ZNF131: variants seen among roughly 807,000 people sequenced by gnomAD.
ZNF131 encodes the protein zinc finger and BTB domain containing 35, also known as zinc finger protein 131.
In ZNF131, 7 loss-of-function variants were observed where a neutral mutation model predicts 60.0. The ratio of observed to expected loss-of-function variants is 0.12; its 90% CI spans 0.07 to 0.22. The LOEUF is 0.22. Among genes scored for constraint, ZNF131 ranks in the 10% least tolerant of loss-of-function variants. The pLI is 1.00. For missense variants in ZNF131, 493 were observed against 740.9 expected (o/e 0.67, Z 3.88); for synonymous variants, 257 against 253.2 (o/e 1.01, Z -0.14).
At chr5:43,169,823 C>G (rs530918449) in intron 5 of ZNF131, among the ~76,000 whole-genome samples, 2 of 151,032 alleles carry the variant, frequency 1.3e-5, no homozygotes, top group Admixed American at 6.6e-5. Flanking sequence ...CAGAGTCTGG[C>G]ACTATCACCC....
intron 3 of ZNF131, among the ~76,000 whole-genome samples, chr5:43,134,790 T>G (rs1296919934): frequency 2.2e-5 from 3 of 134,914 alleles, no homozygotes; most frequent in Non-Finnish European, 3.1e-5. Context: ...AACCTCCGCC[T>G]CCTGGGTTCA....
intron 4 of ZNF131, among the ~76,000 whole-genome samples, chr5:43,155,119 A>G (rs1251464991): frequency 6.6e-6 from 1 of 152,196 alleles, no homozygotes; most frequent in Admixed American, 6.5e-5. Context: ...CAGTTAATTA[A>G]GGGCTCCATT....
intron 5 of ZNF131, among the ~76,000 whole-genome samples, chr5:43,164,059 C>G (rs963862538): frequency 1.3e-5 from 2 of 152,158 alleles, no homozygotes; most frequent in East Asian, 3.8e-4. Context: ...GTTTGGATAA[C>G]TAATAGGCGT....
At chr5:43,150,536 TC>T (rs1748170875) in intron 4 of ZNF131, among the ~76,000 whole-genome samples, 2 of 152,130 alleles carry the variant, frequency 1.3e-5, no homozygotes, top group South Asian at 4.1e-4. Flanking sequence ...ATGCCTGTAA[TC>T]CCAGCACTTT....
intron 3 of ZNF131, among the ~76,000 whole-genome samples, chr5:43,128,656 C>CAAA (rs1170687481): frequency 4.6e-4 from 32 of 70,082 alleles, no homozygotes; most frequent in East Asian, 3.7e-3. Context: ...GACTCCATCT[C>CAAA]AAAAAAAAAA....
rs976608275 is a variant in ZNF131 at position 43,158,542 on chromosome 5, A to T, written c.372-2707A>T. Among the ~76,000 whole-genome samples the T allele has an allele frequency of 4.6e-5, 7 of 151,970 alleles. No individual in the cohort carries two copies. The South Asian group carries it at 1.3e-3, about 27-fold the overall frequency. On this transcript the variant is annotated intron_variant, in intron 4 of 6. Coordinates refer to ENST00000682664, the MANE Select transcript of ZNF131 (RefSeq NM_001330707.2). ...TGACCTCAGTTGATCCTCCCGCCTC[A>T]GCCTCCCAAAGTGTTGGGATTACAG...
intron 4 of ZNF131, among the ~76,000 whole-genome samples, chr5:43,142,724 C>T (rs1747019632): frequency 7.1e-6 from 1 of 140,880 alleles, no homozygotes; most frequent in Non-Finnish European, 1.5e-5. Context: ...CAGGGTCTTG[C>T]TTTGTCACCC....
chr5:43,140,434 A>G (rs1746666387), intron 4 of ZNF131, among the ~76,000 whole-genome samples: 1 of 152,182 alleles, frequency 6.6e-6, no homozygotes, highest in Non-Finnish European at 1.5e-5. Flanking sequence ...AATGAGAGTA[A>G]TAACGGTACT....
Position 43,161,347 on chromosome 5 carries a change from C to T in ZNF131, c.470C>T (p.Ser157Leu), listed in dbSNP as rs894336230. 1 of 1,614,108 alleles carries T rather than the reference C, an allele frequency of 6.2e-7. No individual in the cohort carries two copies. Among genetic ancestry groups the T allele is most frequent in the African/African-American group, 1.3e-5 (1 of 74,934 alleles). ...IAETSNVITE[S>L]LPSAESEPVE... The stretch of plus-strand genomic sequence containing the variant: ...GAAACTTCAAATGTTATCACTGAGT[C>T]ATTGCCATCTGCAGAATCAGAACCT... The change falls in exon 5 of 7, where the codon TCA becomes TTA. Residue 157 changes from serine (S) to leucine (L), a missense_variant. This residue lies in a region of ZNF131 where 138 missense variants were observed against 158.7 expected (regional missense o/e 0.87). Coordinates refer to ENST00000682664, the MANE Select transcript of ZNF131 (RefSeq NM_001330707.2).
rs1369764028 is a variant in ZNF131 at position 43,176,139 on chromosome 5, A to G, written c.*1006A>G. On this transcript the variant is annotated 3_prime_UTR_variant, in exon 7 of 7. Coordinates refer to ENST00000682664, the MANE Select transcript of ZNF131 (RefSeq NM_001330707.2). ...ATTCTTAATGTAAAGATCTTGTGCT[A>G]TAACTTTTAAAGCCATACAAATAAG... The G allele has an allele frequency of 2.0e-5, 3 of 152,280 alleles. No homozygotes were observed. The highest frequency in any genetic ancestry group is 6.5e-5 in the Admixed American group (1 of 15,284). The allele number at this position is 152,280 out of a possible 1,614,324, so 9.4% of individuals were successfully genotyped here.
intron 4 of ZNF131, among the ~76,000 whole-genome samples, chr5:43,140,759 C>A (rs1221975570): frequency 6.6e-6 from 1 of 152,132 alleles, no homozygotes; most frequent in Non-Finnish European, 1.5e-5. Flanking sequence ...CTCTGTCTCC[C>A]AGACTGGAGT....
At chr5:43,134,344 TAAAC>T (rs746556242) in intron 3 of ZNF131, among the ~76,000 whole-genome samples, 60 of 152,208 alleles carry the variant, frequency 3.9e-4, no homozygotes, top group Admixed American at 2.0e-3. Context: ...TAAAAACTCT[TAAAC>T]AAACGAGGAA....
At chr5:43,169,824 A>C (rs1270956064) in intron 5 of ZNF131, among the ~76,000 whole-genome samples, 1 of 150,640 alleles carries the variant, frequency 6.6e-6, no homozygotes, top group Non-Finnish European at 1.5e-5. Flanking sequence ...AGAGTCTGGC[A>C]CTATCACCCA....
At chr5:43,147,394 CTTTT>C (rs769222605) in intron 4 of ZNF131, among the ~76,000 whole-genome samples, 3 of 151,008 alleles carry the variant, frequency 2.0e-5, no homozygotes, top group Non-Finnish European at 4.4e-5. Context: ...TTTTTTAAAT[CTTTT>C]TTTTATTTTA....
intron 2 of ZNF131, 85 bp from the exon 3 acceptor site, chr5:43,123,124 A>G: frequency 9.5e-7 from 1 of 1,055,216 alleles, no homozygotes; most frequent in East Asian, 2.5e-5. Context: ...ATTTTGCTTT[A>G]TATGATTTTT....
At chr5:43,139,338 T>G in intron 4 of ZNF131, 29 bp downstream of exon 4, 1 of 1,586,548 alleles carries the variant, frequency 6.3e-7, no homozygotes, top group Admixed American at 1.8e-5. Context: ...GGGGTTCAGA[T>G]AGTCATATTC....
At chr5:43,170,799 AT>A (rs10710400) in intron 5 of ZNF131, among the ~76,000 whole-genome samples, 87,045 of 138,528 alleles carry the variant, frequency 0.63, 27,710 homozygotes, top group East Asian at 0.83. Context: ...TGCCCAGCTA[AT>A]TTTTTTTTTT....
chr5:43,126,738 CAGA>C (rs1744604023), intron 3 of ZNF131, among the ~76,000 whole-genome samples: 1 of 152,144 alleles, frequency 6.6e-6, no homozygotes, highest in Admixed American at 6.6e-5. Context: ...GTTCTTTTGT[CAGA>C]AGAACTCTCT....
intron 3 of ZNF131, among the ~76,000 whole-genome samples, chr5:43,136,476 C>CTTTTTTTTTTTTTT (rs70991484): frequency 1.4e-5 from 1 of 70,062 alleles, no homozygotes; most frequent in African/African-American, 5.5e-5. Context: ...AGGCATCATA[C>CTTTTTTTTTTTTTT]TTTTTTTTTT....
Sources: allele counts gnomAD v4.1 joint callset (sites outside exome capture counted in the v4.1 genomes callset), GRCh38; gene constraint gnomAD v4.1.1; regional missense constraint gnomAD v4.1.1; transcripts MANE v1.5; gene names NCBI Gene and HGNC (gene_info 2026-07-23, HGNC 2026-07-21).